WIF1: variants seen among roughly 807,000 people sequenced by gnomAD.
WIF1 encodes Wnt inhibitory factor 1.
WIF1 carries 35 observed loss-of-function variants against 53.5 expected under a neutral mutation model. That is an observed-to-expected ratio of 0.65 (90% CI 0.50 to 0.87). WIF1 has a LOEUF of 0.87. Among genes scored for constraint, WIF1 ranks in the 40% least tolerant of loss-of-function variants. The pLI is 0.00. For synonymous variants in WIF1, 171 were observed against 170.4 expected, an observed-to-expected ratio of 1.00 and a Z score of -0.03; for missense variants, 467 against 476.8, an observed-to-expected ratio of 0.98 and a Z score of 0.19.
chr12:65,118,289 A>G (rs1357313905), intron 2 of WIF1, among the ~76,000 whole-genome samples: 5 of 152,220 alleles, frequency 3.3e-5, no homozygotes, highest in Non-Finnish European at 7.3e-5. Flanking sequence ...CAAAATACTA[A>G]TTGGTATTGA....
At position 65,120,317 on chromosome 12, in the gene WIF1, TTAA is replaced by T. The variant is rs2136297839; in HGVS notation, c.288+97_288+99del. 3 of 1,271,556 alleles carry T rather than the reference TTAA, an allele frequency of 2.4e-6. No homozygotes were observed. In the East Asian group the frequency reaches 7.6e-5, roughly 32 times the overall value. 78.8% of individuals were successfully genotyped at this position (1,271,556 alleles called of 1,614,324 possible). A position where few individuals can be genotyped will look rare whatever the true frequency, so the allele number is the denominator to read the frequency against. On this transcript the variant is annotated intron_variant, in intron 2 of 9. Coordinates refer to ENST00000286574, the MANE Select transcript of WIF1 (RefSeq NM_007191.5). ...TTGGCAATCAGATGAGAAATTTCTCTTAATAACTGTAAAATGTACCAGGCTACA... is the reference window on the plus strand; with the variant it reads ...TTGGCAATCAGATGAGAAATTTCTCTTAACTGTAAAATGTACCAGGCTACA...
chr12:65,120,611 T>C, intron 1 of WIF1, 55 bp from the exon 2 acceptor site: 1 of 1,563,534 alleles, frequency 6.4e-7, no homozygotes, highest in South Asian at 1.2e-5. Flanking sequence ...ATCATCTAAA[T>C]CAGAAGTTTC....
At chr12:65,096,246 TGATA>T (rs1350982403) in intron 2 of WIF1, among the ~76,000 whole-genome samples, 1 of 152,144 alleles carries the variant, frequency 6.6e-6, no homozygotes, top group Non-Finnish European at 1.5e-5. Context: ...TTTATATGGC[TGATA>T]AATATATAAA....
At chr12:65,110,581 A>T (rs150295378) in intron 2 of WIF1, among the ~76,000 whole-genome samples, 1 of 152,308 alleles carries the variant, frequency 6.6e-6, no homozygotes, top group East Asian at 1.9e-4. Context: ...CCCAGGTTTA[A>T]ATCCCAGCTC....
intron 2 of WIF1, among the ~76,000 whole-genome samples, chr12:65,083,535 A>G (rs1401846710): frequency 6.6e-6 from 1 of 152,124 alleles, no homozygotes; most frequent in Non-Finnish European, 1.5e-5. Context: ...TAAAATCACT[A>G]AGACTCTTTT....
In WIF1 at chr12:65,051,332, G is replaced by C; in HGVS notation, c.*17C>G. The C allele has an allele frequency of 6.2e-7, 1 of 1,608,868 alleles. No individual in the cohort carries two copies. ...CTATGAACTTGGTGTAACTTAAAAC[G>C]TTTCAGATGTCGGAGTTCACCAGAT... On this transcript the variant is annotated 3_prime_UTR_variant, in exon 10 of 10. Transcript: ENST00000286574.
intron 2 of WIF1, among the ~76,000 whole-genome samples, chr12:65,082,629 A>C (rs763927384): frequency 2.0e-5 from 3 of 152,188 alleles, no homozygotes; most frequent in East Asian, 3.9e-4. Context: ...GACTTGGCTG[A>C]ATATTAGGAT....
At chr12:65,112,507 A>G (rs1883449509) in intron 2 of WIF1, among the ~76,000 whole-genome samples, 1 of 151,464 alleles carries the variant, frequency 6.6e-6, no homozygotes, top group African/African-American at 2.4e-5. Context: ...TTAAGAAAGA[A>G]GAGCTAAATG....
chr12:65,069,960 T>C (rs1882748145), intron 3 of WIF1, among the ~76,000 whole-genome samples: 1 of 152,220 alleles, frequency 6.6e-6, no homozygotes, highest in Non-Finnish European at 1.5e-5. Context: ...ATACATGTGA[T>C]TTTTTGCTTC....
At chr12:65,093,995 T>C (rs73312847) in intron 2 of WIF1, among the ~76,000 whole-genome samples, 1,568 of 152,320 alleles carry the variant, frequency 0.01, 30 homozygotes, top group African/African-American at 0.036. Flanking sequence ...CAGTGACGGT[T>C]CTGTAATTGG....
At chr12:65,054,594 C>T (rs1442271537) in intron 9 of WIF1, among the ~76,000 whole-genome samples, 1 of 152,150 alleles carries the variant, frequency 6.6e-6, no homozygotes, top group African/African-American at 2.4e-5. Context: ...GCTTTATAAA[C>T]CTTTTCTTTC....
chr12:65,068,013 T>G (rs1388164273), intron 4 of WIF1, among the ~76,000 whole-genome samples: 4 of 152,156 alleles, frequency 2.6e-5, no homozygotes, highest in African/African-American at 9.7e-5. Flanking sequence ...AGTAGGGGGC[T>G]CTTGGAAGAA....
intron 2 of WIF1, among the ~76,000 whole-genome samples, chr12:65,098,803 C>T (rs2136634392): frequency 6.6e-6 from 1 of 152,206 alleles, no homozygotes; most frequent in Non-Finnish European, 1.5e-5. Flanking sequence ...GACTGAAGCA[C>T]AGTGAAAAAC....
chr12:65,090,591 G>T (rs568435757), intron 2 of WIF1, among the ~76,000 whole-genome samples: 1 of 152,130 alleles, frequency 6.6e-6, no homozygotes, highest in South Asian at 2.1e-4. Context: ...CTTGAGAAAG[G>T]ATGGCAGAAC....
chr12:65,105,190 T>C (rs766120368), intron 2 of WIF1, among the ~76,000 whole-genome samples: 10 of 152,118 alleles, frequency 6.6e-5, no homozygotes, highest in Non-Finnish European at 1.3e-4. Context: ...CCCACTGGCA[T>C]GCATGAGATG....
intron 2 of WIF1, among the ~76,000 whole-genome samples, chr12:65,108,678 G>T (rs12810270): frequency 0.093 from 14,193 of 151,998 alleles, 745 homozygotes; most frequent in East Asian, 0.18. Flanking sequence ...ACCTTTCATG[G>T]TATCTCATAT....
chr12:65,115,435 C>T (rs997324402), intron 2 of WIF1, among the ~76,000 whole-genome samples: 1 of 152,134 alleles, frequency 6.6e-6, no homozygotes, highest in African/African-American at 2.4e-5. Context: ...AACAAAACTT[C>T]TCATTAAATT....
At chr12:65,082,784 G>T (rs1015575313) in intron 2 of WIF1, among the ~76,000 whole-genome samples, 1 of 152,140 alleles carries the variant, frequency 6.6e-6, no homozygotes, top group East Asian at 1.9e-4. Flanking sequence ...GGAATGAAGA[G>T]AATCCAGTAT....
intron 2 of WIF1, among the ~76,000 whole-genome samples, chr12:65,100,530 C>G (rs912074397): frequency 6.6e-6 from 1 of 152,102 alleles, no homozygotes; most frequent in Non-Finnish European, 1.5e-5. Context: ...GTAGTCATTA[C>G]GAGCCATTCA....
Sources: gnomAD v4.1 joint callset for allele counts (sites outside exome capture counted in the v4.1 genomes callset) on GRCh38, gnomAD v4.1.1 for gene constraint, MANE v1.5 for transcripts, NCBI Gene and HGNC (gene_info 2026-07-23, HGNC 2026-07-21) for gene names.